Variants in OR52N4 observed in about 807,000 individuals in gnomAD.
The protein encoded by OR52N4 is olfactory receptor 52N4.
OR52N4 carries 15 observed loss-of-function variants against 15.0 expected under a neutral mutation model. The observed-to-expected ratio is 1.00, with a 90% CI of 0.67 to 1.54. The LOEUF is 1.54. Among genes scored for constraint, OR52N4 ranks in the 40% most tolerant of loss-of-function variants. OR52N4 has a pLI of 0.00. For missense variants in OR52N4, 421 were observed against 394.0 expected, an observed-to-expected ratio of 1.07 and a Z score of -0.58; for synonymous variants, 143 against 143.7, an observed-to-expected ratio of 1.00 and a Z score of 0.03.
At chr11:5,753,455 C>T (rs1351931673), upstream of OR52N4, among the ~76,000 whole-genome samples, 3 of 152,004 alleles carry the variant, frequency 2.0e-5, no homozygotes, top group African/African-American at 4.8e-5. Flanking sequence ...TATGTTTCTT[C>T]CTGCAACTTT....
At chr11:5,732,024 A>AT in the OR52N4 span, among the ~76,000 whole-genome samples, 123 of 151,814 alleles carry the variant, frequency 8.1e-4, no homozygotes, top group East Asian at 5.8e-3. Context: ...TCATAAAGTT[A>AT]TTTTTTTTGC....
At chr11:5,737,875 TAGCTGTAACTTGGG>T in the OR52N4 span, 138 of 165,658 alleles carry the variant, frequency 8.3e-4, 1 homozygote, top group East Asian at 0.01. Flanking sequence ...TGCGCATTGT[TAGCTGTAACTTGGG>T]AGCTGTAACT....
At position 5,754,274 on chromosome 11, in the gene OR52N4, G is replaced by T. The variant is rs1854250821; in HGVS notation, c.-80G>T. On this transcript the variant is annotated 5_prime_UTR_variant, in exon 1 of 2. Transcript: ENST00000641350. ...AGTCATTAAGAATAAAAATTAAAAAGTCAACATCTCATCTCTCAGATCATC... is the reference window on the plus strand; with the variant it reads ...AGTCATTAAGAATAAAAATTAAAAATTCAACATCTCATCTCTCAGATCATC... 1 of 153,284 alleles carries T rather than the reference G, an allele frequency of 6.5e-6. No homozygotes were observed. The highest frequency in any genetic ancestry group is 6.5e-5 in the Admixed American group (1 of 15,342). The allele number at this position is 153,284 out of a possible 1,614,324, so 9.5% of individuals were successfully genotyped here. A position where few individuals can be genotyped will look rare whatever the true frequency, so the allele number is the denominator to read the frequency against.
chr11:5,753,988 C>CAAAAAAAAAA (rs60504408), upstream of OR52N4, among the ~76,000 whole-genome samples: 1 of 79,666 alleles, frequency 1.3e-5, no homozygotes, highest in Non-Finnish European at 2.4e-5. Context: ...GACTCTGCCT[C>CAAAAAAAAAA]AAAAAAAAAA....
chr11:5,736,300 T>C, the OR52N4 span: 4 of 543,394 alleles, frequency 7.4e-6, no homozygotes, highest in African/African-American at 3.8e-5. Context: ...TAATTCTTCA[T>C]TTAAAAAATC....
the OR52N4 span, chr11:5,737,868 G>A: frequency 1.4e-3 from 242 of 167,500 alleles, no homozygotes; most frequent in African/African-American, 4.3e-3. Context: ...TCATGCTTGC[G>A]CATTGTTAGC....
At chr11:5,750,448 G>C (rs201624442), upstream of OR52N4, among the ~76,000 whole-genome samples, 381 of 151,984 alleles carry the variant, frequency 2.5e-3, 3 homozygotes, top group Admixed American at 4.9e-3. Context: ...ACAAAGCAAT[G>C]TATAGCCCAA....
At chr11:5,732,628 G>A in the OR52N4 span, among the ~76,000 whole-genome samples, 1 of 152,108 alleles carries the variant, frequency 6.6e-6, no homozygotes, top group African/African-American at 2.4e-5. Flanking sequence ...ATCATGATGA[G>A]TTTCTAGAAA....
the OR52N4 span, among the ~76,000 whole-genome samples, chr11:5,730,923 T>G: frequency 6.6e-6 from 1 of 151,996 alleles, no homozygotes; most frequent in Non-Finnish European, 1.5e-5. Context: ...CCACTGTCAT[T>G]ATTTCTTGCT....
the OR52N4 span, among the ~76,000 whole-genome samples, chr11:5,728,843 G>T: frequency 6.6e-6 from 1 of 152,168 alleles, no homozygotes; most frequent in Non-Finnish European, 1.5e-5. Context: ...TATAGGGAGA[G>T]TACTAGTATA....
the OR52N4 span, among the ~76,000 whole-genome samples, chr11:5,733,694 A>T: frequency 1.3e-5 from 2 of 152,176 alleles, no homozygotes; most frequent in Non-Finnish European, 2.9e-5. Flanking sequence ...TGTTCTATTG[A>T]TCACTTTATG....
chr11:5,733,258 C>G, the OR52N4 span, among the ~76,000 whole-genome samples: 1 of 152,146 alleles, frequency 6.6e-6, no homozygotes, highest in Non-Finnish European at 1.5e-5. Flanking sequence ...CACATCACCT[C>G]CCATGTTCCA....
chr11:5,734,008 T>C, the OR52N4 span, among the ~76,000 whole-genome samples: 5 of 152,142 alleles, frequency 3.3e-5, no homozygotes, highest in Admixed American at 6.6e-5. Context: ...GCTTTCTCTA[T>C]AGGTCTTTCA....
the OR52N4 span, among the ~76,000 whole-genome samples, chr11:5,746,437 C>G: frequency 6.6e-6 from 1 of 152,060 alleles, no homozygotes; most frequent in Non-Finnish European, 1.5e-5. Context: ...ACAAGGAACT[C>G]AAGCAACTCA....
chr11:5,736,533 C>T, the OR52N4 span: 5 of 1,613,336 alleles, frequency 3.1e-6, no homozygotes, highest in African/African-American at 2.7e-5. Context: ...CATATGTCTG[C>T]ATCTCTCAAA....
At chr11:5,731,510 A>T in the OR52N4 span, among the ~76,000 whole-genome samples, 1 of 152,210 alleles carries the variant, frequency 6.6e-6, no homozygotes, top group Non-Finnish European at 1.5e-5. Flanking sequence ...TAAGTTTCTC[A>T]TTAATCTGCA....
the OR52N4 span, among the ~76,000 whole-genome samples, chr11:5,746,621 C>G: frequency 6.6e-6 from 1 of 152,070 alleles, no homozygotes; most frequent in Non-Finnish European, 1.5e-5. Context: ...TTGTCTTACA[C>G]CAGTCAGAAT....
At chr11:5,728,048 T>C in the OR52N4 span, among the ~76,000 whole-genome samples, 1 of 152,242 alleles carries the variant, frequency 6.6e-6, no homozygotes, top group Non-Finnish European at 1.5e-5. Flanking sequence ...AGGACTTCTA[T>C]GAATGAGGGC....
the OR52N4 span, chr11:5,737,514 G>A: frequency 1.3e-6 from 2 of 1,582,130 alleles, no homozygotes; most frequent in African/African-American, 2.7e-5. Flanking sequence ...TGATGTACAT[G>A]AACCTCAGCT....
Sources: allele counts gnomAD v4.1 joint callset (sites outside exome capture counted in the v4.1 genomes callset), GRCh38; gene constraint gnomAD v4.1.1; transcripts MANE v1.5; gene names NCBI Gene and HGNC (gene_info 2026-07-23, HGNC 2026-07-21).